MMP27: variants seen among roughly 807,000 people sequenced by gnomAD.
MMP27 encodes the protein matrix metalloproteinase-27.
In MMP27, 51 loss-of-function variants were observed where a neutral mutation model predicts 48.1. The observed-to-expected ratio is 1.06, with a 90% CI of 0.85 to 1.34. The LOEUF is 1.34. Among genes scored for constraint, MMP27 ranks in the 40% most tolerant of loss-of-function variants. The pLI is 0.00. For synonymous variants in MMP27, 229 were observed against 208.9 expected (o/e 1.10, Z -0.83); for missense variants, 698 against 619.3 (o/e 1.13, Z -1.35).
intron 7 of MMP27, 86 bp from the exon 8 acceptor site, chr11:102,694,151 T>C: frequency 1.0e-6 from 1 of 972,616 alleles, no homozygotes; most frequent in Non-Finnish European, 1.5e-6. Context: ...ACCTAGTTCC[T>C]TTTAGCTTCA....
chr11:102,695,246 T>C, intron 6 of MMP27, 149 bp from the exon 7 acceptor site: 1 of 905,192 alleles, frequency 1.1e-6, no homozygotes, highest in East Asian at 2.6e-5. Flanking sequence ...TAAATTTAGG[T>C]GATTGTGAGT....
intron 2 of MMP27, among the ~76,000 whole-genome samples, chr11:102,704,059 G>A (rs745710084): frequency 6.6e-6 from 1 of 152,070 alleles, no homozygotes; most frequent in Non-Finnish European, 1.5e-5. Flanking sequence ...CCTTTTCCTT[G>A]AGATGTCTGA....
At position 102,693,924 on chromosome 11, in the gene MMP27, A is replaced by G. The variant is rs1221499476; in HGVS notation, c.1175T>C (p.Val392Ala). 7.5e-6 allele frequency: 12 copies of G among 1,599,274 alleles called. No homozygotes were observed. Among genetic ancestry groups the G allele is most frequent in the Non-Finnish European group, 1.0e-5 (12 of 1,174,386 alleles). The change falls in exon 8 of 10, where the codon GTG becomes GCG. Residue 392 changes from valine (V) to alanine (A), a missense_variant. By Grantham distance (64) the Val-to-Ala change is moderately conservative. Coordinates refer to ENST00000260229, the MANE Select transcript of MMP27 (RefSeq NM_022122.3). ...DKTTRKTYFF[V>A]GIWCWRFDEM... The stretch of plus-strand genomic sequence containing the variant: ...AACTTACCTCCAGCACCAAATGCCC[A>G]CAAAGAAGTAGGTTTTTCTTGTGGT...
chr11:102,703,842 C>A (rs1292721098), intron 2 of MMP27, among the ~76,000 whole-genome samples: 1 of 152,176 alleles, frequency 6.6e-6, no homozygotes, highest in Non-Finnish European at 1.5e-5. Context: ...AAGAATCTTA[C>A]ATGAGAACCA....
intron 2 of MMP27, 88 bp from the exon 3 acceptor site, chr11:102,703,206 A>C: frequency 1.6e-6 from 2 of 1,251,044 alleles, no homozygotes; most frequent in Non-Finnish European, 2.2e-6. Context: ...CTAGCTTATC[A>C]ATAATGTGCT....
intron 6 of MMP27, among the ~76,000 whole-genome samples, chr11:102,695,322 G>C (rs1860804327): frequency 6.6e-6 from 1 of 152,142 alleles, no homozygotes; most frequent in African/African-American, 2.4e-5. Flanking sequence ...TCCGTAGAGT[G>C]GCAAACTCAT....
At chr11:102,705,510 T>G in intron 1 of MMP27, 103 bp downstream of exon 1, 1 of 700,636 alleles carries the variant, frequency 1.4e-6, no homozygotes, top group East Asian at 3.1e-5. Context: ...ACAAAAAAGT[T>G]CAGGACTCTT....
chr11:102,695,359 G>A (rs762798786), intron 6 of MMP27, among the ~76,000 whole-genome samples: 2 of 152,174 alleles, frequency 1.3e-5, no homozygotes, highest in Non-Finnish European at 2.9e-5. Context: ...TGAGTTCTGA[G>A]TGCTCAATGG....
rs1039169471 is a variant in MMP27 at position 102,691,698 on chromosome 11, G to T, written c.*68C>A. ...ACCAGCAACTTGTTGTTAAAGAATG[G>T]TTTTATTCTATTTTGAAGCAGAATT... On this transcript the variant is annotated 3_prime_UTR_variant, in exon 10 of 10. Coordinates refer to ENST00000260229, the MANE Select transcript of MMP27 (RefSeq NM_022122.3). 7.4e-7 allele frequency: 1 copy of T among 1,355,886 alleles called. No homozygotes were observed. The highest frequency in any genetic ancestry group is 9.9e-7 in the Non-Finnish European group (1 of 1,006,876). The allele number at this position is 1,355,886 out of a possible 1,614,324, so 84.0% of individuals were successfully genotyped here. A position where few individuals can be genotyped will look rare whatever the true frequency, so the allele number is the denominator to read the frequency against.
chr11:102,696,530 G>A lies in MMP27; in HGVS notation c.782-39C>T, dbSNP rs766328094. 3.7e-6 allele frequency: 6 copies of A among 1,607,848 alleles called. No individual in the cohort carries two copies. The East Asian group carries it at 8.9e-5, about 24-fold the overall frequency. On this transcript the variant is annotated intron_variant, in intron 5 of 9. Coordinates refer to ENST00000260229, the MANE Select transcript of MMP27 (RefSeq NM_022122.3). ...AAAAATACCACAATGAATTAAGAGG[G>A]CATGAAGAAATATGCCTACACAAGG... is the stretch of plus-strand genomic sequence containing the variant.
intron 4 of MMP27, 34 bp downstream of exon 4, chr11:102,702,719 A>G: frequency 6.4e-7 from 1 of 1,570,326 alleles, no homozygotes; most frequent in Admixed American, 2.0e-5. Flanking sequence ...CTTTAGAATA[A>G]TAAGATTTTG....
chr11:102,696,548 A>G, intron 5 of MMP27, 57 bp from the exon 6 acceptor site: 1 of 1,600,698 alleles, frequency 6.2e-7, no homozygotes, highest in Non-Finnish European at 8.5e-7. Context: ...AAATATGCCT[A>G]CACAAGGGTC....
chr11:102,696,676 T>C lies in MMP27; in HGVS notation c.779A>G (p.Tyr260Cys), dbSNP rs779290641. 1 of 1,610,870 alleles carries C rather than the reference T, an allele frequency of 6.2e-7. No homozygotes were observed. Among genetic ancestry groups the C allele is most frequent in the Non-Finnish European group, 8.5e-7 (1 of 1,179,124 alleles). ...TTGAGATTTATAATTTTGCTCACCA[T>C]AGATGGACTGGATTCCATTGATATC... ...QDDINGIQSI[Y>C]GGLPKEPAKP... Residue 260 changes from tyrosine to cysteine, a missense_variant and splice_region_variant, in exon 5 of 10, where the codon TAT (tyrosine) becomes TGT (cysteine). Coordinates refer to ENST00000260229, the MANE Select transcript of MMP27 (RefSeq NM_022122.3).
chr11:102,693,819 C>A, intron 8 of MMP27, 87 bp downstream of exon 8: 1 of 1,112,518 alleles, frequency 9.0e-7, no homozygotes, highest in Non-Finnish European at 1.2e-6. Flanking sequence ...ATTATGGATT[C>A]ATTTTAATTT....
chr11:102,701,806 C>T (rs1157154363), intron 4 of MMP27, among the ~76,000 whole-genome samples: 1 of 152,180 alleles, frequency 6.6e-6, no homozygotes. Flanking sequence ...AGTGAGTGGC[C>T]ATGGACCATT....
At chr11:102,704,861 A>C (rs1303275160) in intron 1 of MMP27, 86 bp from the exon 2 acceptor site, 33 of 822,470 alleles carry the variant, frequency 4.0e-5, no homozygotes, top group Non-Finnish European at 6.1e-5. Context: ...AAATTGCCTA[A>C]AATTCCTTCT....
intron 7 of MMP27, among the ~76,000 whole-genome samples, chr11:102,694,272 T>G (rs1046503954): frequency 1.3e-5 from 2 of 152,226 alleles, no homozygotes; most frequent in African/African-American, 4.8e-5. Context: ...GTCAATAGTA[T>G]GCGTACCTTT....
At chr11:102,692,554 C>T (rs1300389340) in intron 9 of MMP27, among the ~76,000 whole-genome samples, 1 of 152,180 alleles carries the variant, frequency 6.6e-6, no homozygotes, top group African/African-American at 2.4e-5. Context: ...TTAGGTATCA[C>T]TCACAATTCT....
chr11:102,704,645 A>G lies in MMP27; in HGVS notation c.233T>C (p.Leu78Pro), dbSNP rs1184861970. The G allele has an allele frequency of 6.2e-7, 1 of 1,614,038 alleles. No individual in the cohort carries two copies. The highest frequency in any genetic ancestry group is 1.3e-5 in the African/African-American group (1 of 74,926). ...CATGATCTCAAGGGTGTTTGAGTCC[A>G]GTTTTCCAGTCACTGTCAATCCAAA... Reference protein sequence around the residue: ...AFFGLTVTGKLDSNTLEIMKT... With the variant: ...AFFGLTVTGKPDSNTLEIMKT... The change falls in exon 2 of 10, where the codon CTG (leucine) becomes CCG (proline). Residue 78 changes from leucine (L) to proline (P), a missense_variant. Coordinates refer to ENST00000260229, the MANE Select transcript of MMP27 (RefSeq NM_022122.3).
Sources: gnomAD v4.1 joint callset for allele counts (sites outside exome capture counted in the v4.1 genomes callset) on GRCh38, gnomAD v4.1.1 for gene constraint, MANE v1.5 for transcripts, NCBI Gene and HGNC (gene_info 2026-07-23, HGNC 2026-07-21) for gene names.